DYM: variants seen among roughly 807,000 people sequenced by gnomAD.
DYM encodes dymeclin.
Under a neutral mutation model 93.1 loss-of-function variants are expected in DYM, and 78 were observed. The observed-to-expected ratio is 0.84, with a 90% CI of 0.70 to 1.01. DYM has a LOEUF of 1.01. Among genes scored for constraint, DYM ranks in the 50% least tolerant of loss-of-function variants. The pLI is 0.00. For synonymous variants in DYM, 321 were observed against 319.7 expected, an observed-to-expected ratio of 1.00 and a Z score of -0.04; for missense variants, 789 against 845.0, an observed-to-expected ratio of 0.93 and a Z score of 0.82.
At chr18:49,381,828 A>C (rs1047354236) in intron 3 of DYM, among the ~76,000 whole-genome samples, 2 of 152,082 alleles carry the variant, frequency 1.3e-5, no homozygotes, top group African/African-American at 2.4e-5. Flanking sequence ...TAAGAGTTTC[A>C]CTTTGAAACA....
intron 17 of DYM, among the ~76,000 whole-genome samples, chr18:49,052,001 C>G (rs974016466): frequency 3.9e-5 from 6 of 152,238 alleles, no homozygotes; most frequent in Non-Finnish European, 8.8e-5. Flanking sequence ...AGAGATTGTT[C>G]CTTAGGGTTG....
At chr18:49,159,944 T>C (rs1052821849) in intron 15 of DYM, among the ~76,000 whole-genome samples, 1 of 152,196 alleles carries the variant, frequency 6.6e-6, no homozygotes, top group Non-Finnish European at 1.5e-5. Context: ...TTATTATCTT[T>C]GTTTCATTTT....
intron 13 of DYM, among the ~76,000 whole-genome samples, chr18:49,212,925 T>C (rs890040477): frequency 1.2e-4 from 19 of 152,144 alleles, no homozygotes; most frequent in African/African-American, 2.4e-5. Context: ...TACTTACAGC[T>C]TGGGACATCA....
At chr18:49,079,307 A>G (rs932233676) in intron 17 of DYM, among the ~76,000 whole-genome samples, 1 of 152,208 alleles carries the variant, frequency 6.6e-6, no homozygotes, top group Non-Finnish European at 1.5e-5. Context: ...TGTGTGCAGA[A>G]AATGTGTTCC....
At chr18:49,281,194 A>G (rs1463737934) in intron 10 of DYM, among the ~76,000 whole-genome samples, 1 of 152,392 alleles carries the variant, frequency 6.6e-6, no homozygotes, top group East Asian at 1.9e-4. Context: ...CAAAAGACAC[A>G]TGAAAAAATG....
At chr18:49,112,215 C>G (rs944213360) in intron 16 of DYM, among the ~76,000 whole-genome samples, 1 of 142,314 alleles carries the variant, frequency 7.0e-6, no homozygotes, top group African/African-American at 2.5e-5. Flanking sequence ...AATGATGCTA[C>G]GCATTTTTCT....
intron 14 of DYM, among the ~76,000 whole-genome samples, chr18:49,187,148 T>C (rs1377583052): frequency 6.6e-6 from 1 of 152,082 alleles, no homozygotes; most frequent in Non-Finnish European, 1.5e-5. Flanking sequence ...CTCAATCTCC[T>C]GACCTCATGA....
At position 49,236,482 on chromosome 18, in the gene DYM, A is replaced by G. The variant is rs1048691412; in HGVS notation, c.1460+20528T>C. The stretch of plus-strand genomic sequence containing the variant: ...GCGACAGAGCGAGACTCTGTCTCAA[A>G]AAAAAAAATAAATAAATAAATAAAT... On this transcript the variant is annotated intron_variant, in intron 13 of 17. Coordinates refer to ENST00000675505, the MANE Select transcript of DYM (RefSeq NM_001353214.3). 2.9e-5 allele frequency among the ~76,000 whole-genome samples: 4 copies of G among 139,756 alleles called. No homozygotes were observed. The South Asian group carries it at 9.3e-4, about 33-fold the overall frequency. The allele number at this position is 139,756 out of a possible 152,430, so 91.7% of individuals were successfully genotyped here.
chr18:49,219,217 A>G (rs1334739677), intron 13 of DYM, among the ~76,000 whole-genome samples: 1 of 152,214 alleles, frequency 6.6e-6, no homozygotes, highest in African/African-American at 2.4e-5. Context: ...AAGAAGCTGA[A>G]TCTCTGAATA....
chr18:49,324,169 A>G (rs1331879586), intron 8 of DYM, among the ~76,000 whole-genome samples: 1 of 145,220 alleles, frequency 6.9e-6, no homozygotes, highest in Admixed American at 6.8e-5. Context: ...AAAAAAAAAA[A>G]TCTTTAACAC....
At chr18:49,380,448 T>C (rs192045788) in intron 3 of DYM, among the ~76,000 whole-genome samples, 67 of 152,312 alleles carry the variant, frequency 4.4e-4, no homozygotes, top group Admixed American at 8.5e-4. Flanking sequence ...CTGAACAACA[T>C]AGAGTAGGTG....
intron 8 of DYM, 115 bp downstream of exon 8, chr18:49,331,749 C>A: frequency 8.8e-7 from 1 of 1,133,666 alleles, no homozygotes; most frequent in Non-Finnish European, 1.3e-6. Context: ...ATTGAACCAG[C>A]TGCACAAATT....
Position 49,258,821 on chromosome 18 carries a change from C to CAGAG in DYM, c.1252-332_1252-329dup, listed in dbSNP as rs1555664074. 1.3e-3 allele frequency among the ~76,000 whole-genome samples: 175 copies of CAGAG among 134,410 alleles called. 4 individuals are homozygous for CAGAG. The highest frequency in any genetic ancestry group is 0.013 in the East Asian group (53 of 4,168). 88.2% of individuals were successfully genotyped at this position (134,410 alleles called of 152,430 possible). A position where few individuals can be genotyped will look rare whatever the true frequency, so the allele number is the denominator to read the frequency against. On this transcript the variant is annotated intron_variant, in intron 11 of 17. Transcript: ENST00000675505. ...ACACACACACACACACACACACACACAGAGACACACACACACACAGAGAGA... is the reference window on the plus strand; with the variant it reads ...ACACACACACACACACACACACACACAGAGAGAGACACACACACACACAGAGAGA...
At chr18:49,158,212 C>G (rs1248260181) in intron 15 of DYM, among the ~76,000 whole-genome samples, 1 of 152,198 alleles carries the variant, frequency 6.6e-6, no homozygotes, top group Non-Finnish European at 1.5e-5. Flanking sequence ...TGACAACCCA[C>G]AAGTTTGGTT....
intron 1 of DYM, among the ~76,000 whole-genome samples, chr18:49,453,294 A>C (rs1219097065): frequency 6.6e-6 from 1 of 152,158 alleles, no homozygotes; most frequent in African/African-American, 2.4e-5. Context: ...GGGCCAGATA[A>C]GGGAATAAAA....
At chr18:49,156,378 G>T (rs944280719) in intron 15 of DYM, among the ~76,000 whole-genome samples, 11 of 151,888 alleles carry the variant, frequency 7.2e-5, no homozygotes, top group Non-Finnish European at 1.5e-4. Context: ...GCCAGCAAAT[G>T]ATGAGAAAAG....
At chr18:49,303,363 C>T (rs945393908) in intron 8 of DYM, among the ~76,000 whole-genome samples, 4 of 152,090 alleles carry the variant, frequency 2.6e-5, no homozygotes, top group African/African-American at 9.7e-5. Context: ...AAGAAGAAAA[C>T]GAGCAGGAAT....
chr18:49,393,924 C>T (rs2069713409), intron 2 of DYM, among the ~76,000 whole-genome samples: 1 of 152,038 alleles, frequency 6.6e-6, no homozygotes, highest in African/African-American at 2.4e-5. Flanking sequence ...TATGAGGCTC[C>T]TAGAGGAGTT....
chr18:49,281,092 C>A (rs1470809549), intron 10 of DYM, among the ~76,000 whole-genome samples: 1 of 152,012 alleles, frequency 6.6e-6, no homozygotes, highest in Non-Finnish European at 1.5e-5. Flanking sequence ...CAATGAACTC[C>A]AACAAAGTTA....
Sources: gnomAD v4.1 joint callset for allele counts (sites outside exome capture counted in the v4.1 genomes callset) on GRCh38, gnomAD v4.1.1 for gene constraint, MANE v1.5 for transcripts, NCBI Gene and HGNC (gene_info 2026-07-23, HGNC 2026-07-21) for gene names.